PPM1H: variants seen among roughly 807,000 people sequenced by gnomAD.
PPM1H encodes protein phosphatase, Mg2+/Mn2+ dependent 1H.
A neutral mutation model predicts 54.9 loss-of-function variants in PPM1H; 27 were observed. That is an observed-to-expected ratio of 0.49 (90% CI 0.36 to 0.68). PPM1H has a LOEUF of 0.68. PPM1H is among the 30% of genes least tolerant of loss of function. The pLI is 0.00. For missense variants in PPM1H, 596 were observed against 667.8 expected (o/e 0.89, Z 1.19); for synonymous variants, 305 against 270.8 (o/e 1.13, Z -1.24).
intron 6 of PPM1H, among the ~76,000 whole-genome samples, chr12:62,717,212 T>C (rs1272564084): frequency 6.6e-6 from 1 of 152,210 alleles, no homozygotes; most frequent in African/African-American, 2.4e-5. Context: ...AGTCCTATTT[T>C]CAAATCAAAA....
chr12:62,689,881 C>G, intron 7 of PPM1H, 75 bp from the exon 8 acceptor site: 2 of 1,006,948 alleles, frequency 2.0e-6, no homozygotes, highest in South Asian at 3.0e-5. Flanking sequence ...GCTGCCTGGG[C>G]TAGGAACAAC....
chr12:62,889,410 C>G (rs1193746011), intron 1 of PPM1H, among the ~76,000 whole-genome samples: 1 of 152,146 alleles, frequency 6.6e-6, no homozygotes, highest in East Asian at 1.9e-4. Flanking sequence ...ATAGTCCTAA[C>G]TACTCACAAG....
intron 9 of PPM1H, among the ~76,000 whole-genome samples, chr12:62,659,783 C>T (rs185197319): frequency 1.6e-4 from 24 of 152,282 alleles, no homozygotes; most frequent in Middle Eastern, 3.4e-3. Flanking sequence ...GTAAAACAGG[C>T]CCACTCAAAA....
At chr12:62,706,864 T>C (rs1017950053) in intron 6 of PPM1H, among the ~76,000 whole-genome samples, 2 of 152,222 alleles carry the variant, frequency 1.3e-5, no homozygotes, top group Non-Finnish European at 2.9e-5. Flanking sequence ...ACATTCTAGG[T>C]TTTTATAATG....
chr12:62,686,199 C>A (rs1178490021), intron 8 of PPM1H, among the ~76,000 whole-genome samples: 1 of 152,206 alleles, frequency 6.6e-6, no homozygotes, highest in East Asian at 1.9e-4. Flanking sequence ...AAGTTTTAAA[C>A]CTACAGTCCC....
chr12:62,926,720 C>T (rs945649508), intron 1 of PPM1H, among the ~76,000 whole-genome samples: 1 of 151,978 alleles, frequency 6.6e-6, no homozygotes, highest in African/African-American at 2.4e-5. Flanking sequence ...TTTGGGAGGC[C>T]GAGGTGGGCG....
intron 4 of PPM1H, among the ~76,000 whole-genome samples, chr12:62,779,896 C>T (rs1166785702): frequency 6.6e-6 from 1 of 152,226 alleles, no homozygotes; most frequent in East Asian, 1.9e-4. Flanking sequence ...GAATTTTCCT[C>T]ATCTTTTCAA....
At chr12:62,900,227 A>G (rs1441673338) in intron 1 of PPM1H, among the ~76,000 whole-genome samples, 1 of 152,180 alleles carries the variant, frequency 6.6e-6, no homozygotes, top group Non-Finnish European at 1.5e-5. Context: ...GAAAGGACTC[A>G]TTGTTCAATT....
At chr12:62,903,100 C>T (rs374878797) in intron 1 of PPM1H, among the ~76,000 whole-genome samples, 11 of 152,236 alleles carry the variant, frequency 7.2e-5, no homozygotes, top group Admixed American at 5.2e-4. Flanking sequence ...TCCTGAGACA[C>T]ATGGACAGAA....
At chr12:62,811,783 T>C (rs376708768) in intron 2 of PPM1H, among the ~76,000 whole-genome samples, 1 of 152,326 alleles carries the variant, frequency 6.6e-6, no homozygotes, top group Admixed American at 6.5e-5. Context: ...TCCACCGTGA[T>C]TGTAAGTTTG....
At chr12:62,800,675 C>T (rs1470562297) in intron 3 of PPM1H, among the ~76,000 whole-genome samples, 1 of 152,198 alleles carries the variant, frequency 6.6e-6, no homozygotes. Context: ...TGCCCACTTG[C>T]CTAACTCAAG....
intron 1 of PPM1H, among the ~76,000 whole-genome samples, chr12:62,886,130 T>G (rs1263618197): frequency 6.6e-6 from 1 of 152,252 alleles, no homozygotes; most frequent in Non-Finnish European, 1.5e-5. Flanking sequence ...TGCCTTTGGT[T>G]AGCCCAGTTG....
chr12:62,811,998 T>C (rs567494292), intron 2 of PPM1H, among the ~76,000 whole-genome samples: 1 of 152,354 alleles, frequency 6.6e-6, no homozygotes, highest in Non-Finnish European at 1.5e-5. Flanking sequence ...ATAGTTTAAG[T>C]AACTCTGCTG....
At chr12:62,724,644 C>T (rs1402777752) in intron 5 of PPM1H, among the ~76,000 whole-genome samples, 2 of 152,178 alleles carry the variant, frequency 1.3e-5, no homozygotes, top group African/African-American at 4.8e-5. Context: ...TTGCTTTCTT[C>T]CAGGATAACA....
At chr12:62,815,566 C>A (rs1703871) in intron 2 of PPM1H, among the ~76,000 whole-genome samples, 1 of 152,136 alleles carries the variant, frequency 6.6e-6, no homozygotes, top group Admixed American at 6.5e-5. Flanking sequence ...AACATAAGTA[C>A]TGTGAAATAA....
At chr12:62,921,866 G>T (rs1006623856) in intron 1 of PPM1H, among the ~76,000 whole-genome samples, 5 of 152,150 alleles carry the variant, frequency 3.3e-5, no homozygotes, top group African/African-American at 1.2e-4. Context: ...TTTTACAGGG[G>T]ACTCACATAA....
intron 1 of PPM1H, among the ~76,000 whole-genome samples, chr12:62,855,843 T>C (rs1006350437): frequency 6.6e-6 from 1 of 152,214 alleles, no homozygotes; most frequent in African/African-American, 2.4e-5. Flanking sequence ...TCCATAAATA[T>C]TCTTGAGCTG....
intron 1 of PPM1H, among the ~76,000 whole-genome samples, chr12:62,927,464 A>G (rs2121183269): frequency 6.6e-6 from 1 of 152,166 alleles, no homozygotes; most frequent in East Asian, 1.9e-4. Context: ...GTTTAAGACC[A>G]GTGTGGCCAA....
intron 4 of PPM1H, among the ~76,000 whole-genome samples, chr12:62,751,907 G>T (rs1376333754): frequency 6.6e-6 from 1 of 152,164 alleles, no homozygotes; most frequent in Non-Finnish European, 1.5e-5. Flanking sequence ...TAGGTTATAT[G>T]GGCTAGATGC....
Sources: gnomAD v4.1 joint callset for allele counts (sites outside exome capture counted in the v4.1 genomes callset) on GRCh38, gnomAD v4.1.1 for gene constraint, MANE v1.5 for transcripts, NCBI Gene and HGNC (gene_info 2026-07-23, HGNC 2026-07-21) for gene names.